Variants in TRANK1 observed in about 807,000 individuals in gnomAD.
TRANK1 encodes tetratricopeptide repeat and ankyrin repeat containing 1.
Under a neutral mutation model 266.0 loss-of-function variants are expected in TRANK1, and 198 were observed. That is an observed-to-expected ratio of 0.74 (90% CI 0.66 to 0.84). TRANK1 has a LOEUF of 0.84. TRANK1 is among the 40% of genes least tolerant of loss of function. The pLI is 0.00. For missense variants in TRANK1, 3,326 were observed against 3,634.6 expected, an observed-to-expected ratio of 0.92 and a Z score of 2.18; for synonymous variants, 1,396 against 1,384.1, an observed-to-expected ratio of 1.01 and a Z score of -0.19.
chr3:36,916,647 G>C (rs2080128008), intron 1 of TRANK1, among the ~76,000 whole-genome samples: 1 of 152,338 alleles, frequency 6.6e-6, no homozygotes. Flanking sequence ...ATGTAAAATG[G>C]ATGCAGGAAG....
chr3:36,940,721 C>T (rs763494440), intron 1 of TRANK1, among the ~76,000 whole-genome samples: 4 of 152,146 alleles, frequency 2.6e-5, no homozygotes, highest in Non-Finnish European at 4.4e-5. Flanking sequence ...ACATTAACTC[C>T]GTTCTATCAC....
rs185333973 is a variant in TRANK1, at chr3:36,852,336, T to A, written c.4559A>T (p.Asn1520Ile). 1.3e-6 allele frequency: 2 copies of A among 1,575,498 alleles called. No homozygotes were observed. The highest frequency in any genetic ancestry group is 1.7e-6 in the Non-Finnish European group (2 of 1,166,208). ...QNYRSHSGIL[N>I]LASGVVDLLQ... ...TAAATCCACCACTCCAGATGCCAGATTGAGGATTCCTGGAATGAAACAGAA... is the reference window on the plus strand; with the variant it reads ...TAAATCCACCACTCCAGATGCCAGAATGAGGATTCCTGGAATGAAACAGAA... Residue 1520 changes from asparagine to isoleucine, a missense_variant, in exon 14 of 24, where the codon AAT becomes ATT. Transcript: ENST00000645898.
At chr3:36,930,760 G>C (rs1241963944) in intron 1 of TRANK1, among the ~76,000 whole-genome samples, 1 of 152,048 alleles carries the variant, frequency 6.6e-6, no homozygotes, top group Non-Finnish European at 1.5e-5. Context: ...TAAGAAATCA[G>C]AACAGTGATT....
chr3:36,926,600 G>C (rs1351568958), intron 1 of TRANK1, among the ~76,000 whole-genome samples: 1 of 151,930 alleles, frequency 6.6e-6, no homozygotes, highest in African/African-American at 2.4e-5. Context: ...CCCTTTCCTA[G>C]GGGCTTTAAC....
intron 1 of TRANK1, among the ~76,000 whole-genome samples, chr3:36,931,246 C>G (rs144870438): frequency 6.7e-6 from 1 of 150,192 alleles, no homozygotes; most frequent in Non-Finnish European, 1.5e-5. Flanking sequence ...CAGCACCCCC[C>G]CAAAAAACAA....
rs954837273 is a variant in TRANK1 at position 36,846,241 on chromosome 3, A to ATCT, written c.5191+4_5191+6dup. 1 of 1,574,466 alleles carries ATCT rather than the reference A, an allele frequency of 6.4e-7. No homozygotes were observed. Among genetic ancestry groups the ATCT allele is most frequent in the African/African-American group, 1.4e-5 (1 of 74,060 alleles). On this transcript the variant is annotated splice_region_variant and intron_variant, in intron 17 of 23. Coordinates refer to ENST00000645898, the MANE Select transcript of TRANK1 (RefSeq NM_001329998.2). ...CATCAGTTAAGAGTATTTTAACAGG[A>ATCT]TCTTACCTTTATTTTCATCTGTCTT... is the stretch of plus-strand genomic sequence containing the variant.
intron 1 of TRANK1, among the ~76,000 whole-genome samples, chr3:36,918,468 G>GAAGA (rs148120910): frequency 2.6e-4 from 8 of 31,196 alleles, no homozygotes; most frequent in East Asian, 2.2e-3. Context: ...AGAAAGAAAA[G>GAAGA]AAGAAAGAAA....
At chr3:36,900,884 G>T (rs1383646043) in intron 3 of TRANK1, among the ~76,000 whole-genome samples, 3 of 59,810 alleles carry the variant, frequency 5.0e-5, no homozygotes, top group African/African-American at 1.6e-4. Context: ...AAAGATAACA[G>T]GTGTTCACCA....
intron 1 of TRANK1, among the ~76,000 whole-genome samples, chr3:36,912,403 C>CTTAT: frequency 6.6e-6 from 1 of 152,148 alleles, no homozygotes. Context: ...CCAGTAAAAT[C>CTTAT]ACTAGGGTAT....
intron 10 of TRANK1, 76 bp from the exon 11 acceptor site, chr3:36,861,236 A>C: frequency 2.1e-6 from 3 of 1,454,248 alleles, no homozygotes; most frequent in Non-Finnish European, 2.7e-6. Flanking sequence ...ACAACCCAAC[A>C]TCCATATATA....
chr3:36,857,764 C>T lies in TRANK1; in HGVS notation c.1958G>A (p.Arg653Lys). The change falls in exon 13 of 24, where the codon AGG (arginine) becomes AAG (lysine). Residue 653 changes from arginine to lysine, a missense_variant. By Grantham distance (26) the Arg-to-Lys change is conservative. Transcript: ENST00000645898. The surrounding 1 kb of genome is among the most constrained non-coding windows in gnomAD (Gnocchi z 4.3). Reference protein sequence around the residue: ...LAWNKALMENRRRSRQDSAAH... With the variant: ...LAWNKALMENKRRSRQDSAAH... ...AGCAGAGTCCTGCCGGCTCCTCCTC[C>T]TGTTCTCCATCAGAGCTTTGTTCCA... 1 of 1,614,034 alleles carries T rather than the reference C, an allele frequency of 6.2e-7. No individual in the cohort carries two copies.
At chr3:36,842,930 T>C (rs1011736240) in intron 17 of TRANK1, among the ~76,000 whole-genome samples, 1 of 152,096 alleles carries the variant, frequency 6.6e-6, no homozygotes, top group African/African-American at 2.4e-5. Context: ...TCATCCAATC[T>C]CACTGGTGTC....
chr3:36,889,248 T>G (rs1450584685), intron 8 of TRANK1, among the ~76,000 whole-genome samples: 1 of 152,086 alleles, frequency 6.6e-6, no homozygotes, highest in Non-Finnish European at 1.5e-5. Flanking sequence ...TCTGAGAGTT[T>G]CAAGAAAAAT....
chr3:36,849,384 A>G (rs1273062576), intron 15 of TRANK1, among the ~76,000 whole-genome samples: 3 of 152,210 alleles, frequency 2.0e-5, no homozygotes, highest in African/African-American at 4.8e-5. Context: ...TGGGGTAGCC[A>G]TTCTGTGGTC....
At position 36,855,533 on chromosome 3, in the gene TRANK1, G is replaced by A; in HGVS notation, c.4189C>T (p.Leu1397=). Reference sequence around the variant, plus strand: ...TTCTGGGACCTGATTTGCTGATACAGACTGAAGAGGCTGTAGATCTCACTC... The same window carrying A: ...TTCTGGGACCTGATTTGCTGATACAAACTGAAGAGGCTGTAGATCTCACTC... ...DRSEIYSLFS[L]YQQIRSQKGY... The change falls in exon 13 of 24, where the codon CTG becomes TTG. Residue 1397 remains leucine (L), a synonymous_variant. Coordinates refer to ENST00000645898, the MANE Select transcript of TRANK1 (RefSeq NM_001329998.2). 1 of 1,613,910 alleles carries A rather than the reference G, an allele frequency of 6.2e-7. No homozygotes were observed. The highest frequency in any genetic ancestry group is 8.5e-7 in the Non-Finnish European group (1 of 1,179,886).
intron 8 of TRANK1, among the ~76,000 whole-genome samples, chr3:36,888,827 C>T (rs767878818): frequency 7.9e-5 from 12 of 152,180 alleles, no homozygotes; most frequent in Non-Finnish European, 1.6e-4. Flanking sequence ...GAGGCCGAGG[C>T]AGGTGGATCA....
intron 15 of TRANK1, chr3:36,850,699 G>A: frequency 2.1e-6 from 2 of 973,994 alleles, no homozygotes; most frequent in Non-Finnish European, 2.4e-6. Flanking sequence ...ACTTCAAAAA[G>A]TACTCTGTAA....
At position 36,881,528 on chromosome 3, in the gene TRANK1, G is replaced by A. The variant is rs1333922928; in HGVS notation, c.908-7232C>T. 2.6e-5 allele frequency among the ~76,000 whole-genome samples: 4 copies of A among 152,052 alleles called. No homozygotes were observed. In the East Asian group the frequency reaches 7.7e-4, roughly 29 times the overall value. ...CTTGGGATGCTGAGGCAGGAGAATC[G>A]CTTGAACCCAGGAGGCAGAGGCTAC... On this transcript the variant is annotated intron_variant, in intron 8 of 23. Coordinates refer to ENST00000645898, the MANE Select transcript of TRANK1 (RefSeq NM_001329998.2).
Position 36,942,961 on chromosome 3 carries a change from A to T in TRANK1, c.23+1826T>A, listed in dbSNP as rs538872685. Reference sequence around the variant, plus strand: ...TCTGGCAGGCAGAAGCGGGTGGATCACTTGAGATCAGGAGTTTGAGACCAG... The same window carrying T: ...TCTGGCAGGCAGAAGCGGGTGGATCTCTTGAGATCAGGAGTTTGAGACCAG... On this transcript the variant is annotated intron_variant, in intron 1 of 23. Transcript: ENST00000645898. Among the ~76,000 whole-genome samples, 17 of 152,132 alleles carry T rather than the reference A, an allele frequency of 1.1e-4. 1 individual carries two copies. The South Asian group carries it at 3.5e-3, about 32-fold the overall frequency.
Sources: allele counts gnomAD v4.1 joint callset (sites outside exome capture counted in the v4.1 genomes callset), GRCh38; gene constraint gnomAD v4.1.1; non-coding constraint Gnocchi (gnomAD v3.1); transcripts MANE v1.5; gene names NCBI Gene and HGNC (gene_info 2026-07-23, HGNC 2026-07-21).